Variants in SNRPN observed in about 807,000 individuals in gnomAD.
SNRPN encodes small nuclear ribonucleoprotein-associated protein N.
Under a neutral mutation model 25.2 loss-of-function variants are expected in SNRPN, and 7 were observed. The observed-to-expected ratio is 0.28, with a 90% confidence interval of 0.16 to 0.52. SNRPN has a LOEUF of 0.52. Among genes scored for constraint, SNRPN ranks in the 20% least tolerant of loss-of-function variants. The pLI, the probability that SNRPN is intolerant of heterozygous loss-of-function variation, is 0.96. For synonymous variants in SNRPN, 124 were observed against 110.6 expected (o/e 1.12, Z -0.76); for missense variants, 196 against 322.5 (o/e 0.61, Z 3.00).
At chr15:24,939,371 C>T (rs937412190) in intron 3 of SNRPN, among the ~76,000 whole-genome samples, 1 of 152,076 alleles carries the variant, frequency 6.6e-6, no homozygotes, top group Non-Finnish European at 1.5e-5. Flanking sequence ...TGCTTCTTGG[C>T]CATTTGTATG....
At chr15:24,857,335 G>T (rs1311668454) in intron 1 of SNRPN, among the ~76,000 whole-genome samples, 1 of 151,926 alleles carries the variant, frequency 6.6e-6, no homozygotes, top group African/African-American at 2.4e-5. Flanking sequence ...TGTAATTGTC[G>T]GCATGATGTT....
intron 2 of SNRPN, among the ~76,000 whole-genome samples, chr15:24,899,085 A>T (rs1566887207): frequency 6.6e-6 from 1 of 152,216 alleles, no homozygotes; most frequent in African/African-American, 2.4e-5. Context: ...AAAGGCCACA[A>T]GGGGTTTTAG....
chr15:24,968,980 GTTTACTA>G (rs140782216), intron 3 of SNRPN, among the ~76,000 whole-genome samples: 7,726 of 152,024 alleles, frequency 0.051, 213 homozygotes, highest in Non-Finnish European at 0.06. Context: ...ATTTCTGAGA[GTTTACTA>G]TTTACTTTTT....
intron 3 of SNRPN, among the ~76,000 whole-genome samples, chr15:24,973,875 G>A (rs1023623712): frequency 3.3e-5 from 5 of 152,122 alleles, no homozygotes; most frequent in African/African-American, 9.7e-5. Flanking sequence ...ATCTTGAAGC[G>A]AATTTAGGGG....
intron 2 of SNRPN, among the ~76,000 whole-genome samples, chr15:24,918,190 C>T (rs2059653526): frequency 6.6e-6 from 1 of 151,388 alleles, no homozygotes; most frequent in South Asian, 2.1e-4. Flanking sequence ...TGTCACTTTT[C>T]TATCAAAATA....
chr15:24,924,199 A>G (rs1360118649), intron 3 of SNRPN, among the ~76,000 whole-genome samples: 3 of 152,030 alleles, frequency 2.0e-5, no homozygotes, highest in Non-Finnish European at 4.4e-5. Flanking sequence ...GGGACATCAC[A>G]TGAAAGAAAA....
chr15:24,835,990 G>A (rs1273284709), intron 2 of SNRPN, among the ~76,000 whole-genome samples: 2 of 152,092 alleles, frequency 1.3e-5, no homozygotes, highest in South Asian at 2.1e-4. Flanking sequence ...AATATGCTAC[G>A]GCTACCATAA....
intron 2 of SNRPN, among the ~76,000 whole-genome samples, chr15:24,887,572 G>A (rs576463881): frequency 2.0e-5 from 3 of 152,248 alleles, no homozygotes; most frequent in Admixed American, 2.0e-4. Context: ...GGGAGGCCGA[G>A]GCAGGCTCAC....
At chr15:24,869,568 G>C (rs920378882) in intron 1 of SNRPN, among the ~76,000 whole-genome samples, 7 of 152,114 alleles carry the variant, frequency 4.6e-5, no homozygotes, top group Non-Finnish European at 1.0e-4. Context: ...TCCCCAATTT[G>C]GGATTTCTCT....
At position 24,974,372 on chromosome 15, in the gene SNRPN, T is replaced by C; in HGVS notation, c.-82T>C. 3 of 1,331,128 alleles carry C rather than the reference T, an allele frequency of 2.3e-6. No homozygotes were observed. The highest frequency in any genetic ancestry group is 3.3e-6 in the Non-Finnish European group (3 of 922,006). The allele number at this position is 1,331,128 out of a possible 1,614,324, so 82.5% of individuals were successfully genotyped here. A position where few individuals can be genotyped will look rare whatever the true frequency, so the allele number is the denominator to read the frequency against. ...ATTGTTTCTAGGAGAACCTGCGTCA[T>C]ACCTTTATCTATAGCCTTCCCCTAG... On this transcript the variant is annotated 5_prime_UTR_variant, in exon 4 of 10. Transcript: ENST00000390687.
chr15:24,834,021 A>T (rs2050785795), intron 2 of SNRPN, among the ~76,000 whole-genome samples: 1 of 152,068 alleles, frequency 6.6e-6, no homozygotes, highest in South Asian at 2.1e-4. Flanking sequence ...CACCTACCAG[A>T]TTCAAGTGAT....
intron 2 of SNRPN, chr15:24,850,900 C>A (rs2052758327): frequency 6.6e-6 from 1 of 151,976 alleles, no homozygotes; most frequent in South Asian, 2.1e-4. Context: ...GAAACCATAT[C>A]TGTGAGGAGT....
rs80168552 is a variant in SNRPN, at chr15:24,838,614, G to A, written c.-579+8709G>A. Among the ~76,000 whole-genome samples, 1,189 of 152,156 alleles carry A rather than the reference G, an allele frequency of 7.8e-3. 19 individuals are homozygous for A. The highest frequency in any genetic ancestry group is 0.026 in the East Asian group (135 of 5,162). The stretch of plus-strand genomic sequence containing the variant: ...ATCTATCAGATAAGGATTGGATTGA[G>A]CTGGTGTAGCCAGTTTGTCTGTCCC... On this transcript the variant is annotated intron_variant, in intron 2 of 12. Coordinates refer to the SNRPN transcript ENST00000400100.
intron 2 of SNRPN, among the ~76,000 whole-genome samples, chr15:24,906,116 T>TTTTTTG (rs1236304083): frequency 2.0e-5 from 3 of 152,086 alleles, no homozygotes; most frequent in South Asian, 2.1e-4. Flanking sequence ...AATCCTGGGT[T>TTTTTTG]TTTTTGTTTT....
intron 1 of SNRPN, among the ~76,000 whole-genome samples, chr15:24,958,357 T>G (rs2074149087): frequency 6.6e-6 from 1 of 151,530 alleles, no homozygotes; most frequent in African/African-American, 2.4e-5. Context: ...TTTAAAAATC[T>G]TATTTAGACC....
At chr15:24,875,651 G>T (rs886076877) in intron 1 of SNRPN, among the ~76,000 whole-genome samples, 1 of 152,158 alleles carries the variant, frequency 6.6e-6, no homozygotes, top group South Asian at 2.1e-4. Flanking sequence ...GGGCATGGTA[G>T]CTCACACCTG....
intron 2 of SNRPN, among the ~76,000 whole-genome samples, chr15:24,918,508 CAT>C (rs1179930917): frequency 2.6e-5 from 3 of 114,784 alleles, no homozygotes; most frequent in South Asian, 2.8e-4. Flanking sequence ...GTATATATAA[CAT>C]AATATATATA....
chr15:24,966,569 G>T (rs1451323461), intron 2 of SNRPN, among the ~76,000 whole-genome samples: 10 of 152,054 alleles, frequency 6.6e-5, no homozygotes, highest in Non-Finnish European at 1.5e-4. Flanking sequence ...ATCTTTTGTG[G>T]CCTGGTTAGT....
In SNRPN at chr15:24,921,920, C is replaced by T. The variant is rs778507991; in HGVS notation, c.-391+1796C>T. 9.2e-5 allele frequency among the ~76,000 whole-genome samples: 14 copies of T among 151,932 alleles called. No homozygotes were observed. In the East Asian group the frequency reaches 1.4e-3, roughly 15 times the overall value. ...GTGACGATAAAAATGCCATACAGAC[C>T]GGGCACGGTGGCTCACGCCTGTAAT... On this transcript the variant is annotated intron_variant, in intron 3 of 11. Coordinates refer to the SNRPN transcript ENST00000400097.
Sources: gnomAD v4.1 joint callset for allele counts (sites outside exome capture counted in the v4.1 genomes callset) on GRCh38, gnomAD v4.1.1 for gene constraint, MANE v1.5 for transcripts, NCBI Gene and HGNC (gene_info 2026-07-23, HGNC 2026-07-21) for gene names.